ASIC2: variants seen among roughly 807,000 people sequenced by gnomAD.
ASIC2 encodes acid sensing ion channel subunit 2, also known as acid-sensing ion channel 2.
In ASIC2, 25 loss-of-function variants were observed where a neutral mutation model predicts 57.3. That is an observed-to-expected ratio of 0.44 (90% CI 0.32 to 0.61). The LOEUF (loss-of-function observed/expected upper bound fraction) is 0.61. ASIC2 is among the 20% of genes least tolerant of loss of function. The pLI, the probability that ASIC2 is intolerant of heterozygous loss-of-function variation, is 0.06. For synonymous variants in ASIC2, 319 were observed against 307.5 expected (o/e 1.04, Z -0.39); for missense variants, 641 against 738.1 (o/e 0.87, Z 1.52).
chr17:33,223,645 T>A lies in ASIC2; in HGVS notation c.708+67763A>T, dbSNP rs1279704932. On this transcript the variant is annotated intron_variant, in intron 1 of 9. Coordinates refer to ENST00000225823, the MANE Select transcript of ASIC2 (RefSeq NM_183377.2). ...AGGGAATCTGACTGGCGCATTTAAA[T>A]ATTTCCTTATATAATATTTGGTATC... Among the ~76,000 whole-genome samples, 3 of 152,262 alleles carry A rather than the reference T, an allele frequency of 2.0e-5. No individual in the cohort carries two copies. In the East Asian group the frequency reaches 5.8e-4, roughly 29 times the overall value.
At chr17:33,658,086 G>A (rs1009660650) in intron 1 of ASIC2, among the ~76,000 whole-genome samples, 5 of 152,178 alleles carry the variant, frequency 3.3e-5, no homozygotes, top group Non-Finnish European at 7.3e-5. Flanking sequence ...GGCCTCACCT[G>A]AGCCTGCTAT....
At chr17:33,468,557 A>G (rs1043703983) in intron 1 of ASIC2, among the ~76,000 whole-genome samples, 1 of 152,210 alleles carries the variant, frequency 6.6e-6, no homozygotes, top group African/African-American at 2.4e-5. Flanking sequence ...TAGTAATTTC[A>G]TGATACTTTT....
chr17:33,464,683 CTCTCTATA>C lies in ASIC2; in HGVS notation c.556-352624_556-352617del, dbSNP rs1255928807. ...TCTCTCTCTCTCCCTCTCTCTCTCT[CTCTCTATA>C]TATATATATATATGTATATATATGT... On this transcript the variant is annotated intron_variant, in intron 1 of 9. Transcript: ENST00000359872. Among the ~76,000 whole-genome samples, 139 of 104,058 alleles carry C rather than the reference CTCTCTATA, an allele frequency of 1.3e-3. 1 individual carries two copies. Among genetic ancestry groups the C allele is most frequent in the Non-Finnish European group, 6.4e-4 (32 of 49,998 alleles). The allele number at this position is 104,058 out of a possible 152,430, so 68.3% of individuals were successfully genotyped here.
chr17:33,731,682 C>A (rs1394337466), intron 1 of ASIC2, among the ~76,000 whole-genome samples: 2 of 152,218 alleles, frequency 1.3e-5, no homozygotes, highest in East Asian at 1.9e-4. Context: ...AACTGAAGGT[C>A]TTCAGATATT....
chr17:33,922,701 C>G (rs966842619), intron 1 of ASIC2, among the ~76,000 whole-genome samples: 2 of 152,166 alleles, frequency 1.3e-5, no homozygotes, highest in Admixed American at 1.3e-4. Flanking sequence ...AACCCCACCC[C>G]ATTTTCCACT....
intron 1 of ASIC2, among the ~76,000 whole-genome samples, chr17:33,372,871 C>T (rs557436487): frequency 3.7e-4 from 57 of 152,294 alleles, no homozygotes; most frequent in African/African-American, 1.3e-3. Context: ...GAAGGACAGG[C>T]TTGGCCAGGC....
In ASIC2 at chr17:33,292,809, C is replaced by A. The variant is rs2142184678; in HGVS notation, c.-694G>T. 1 of 985,906 alleles carries A rather than the reference C, an allele frequency of 1.0e-6. No homozygotes were observed. Among genetic ancestry groups the A allele is most frequent in the Non-Finnish European group, 1.2e-6 (1 of 830,330 alleles). The allele number at this position is 985,906 out of a possible 1,614,324, so 61.1% of individuals were successfully genotyped here. A position where few individuals can be genotyped will look rare whatever the true frequency, so the allele number is the denominator to read the frequency against. On this transcript the variant is annotated 5_prime_UTR_variant, in exon 1 of 10. Transcript: ENST00000225823. ...TTCCTTGTTACTGCTCCCTGGGCTG[C>A]GCTCGGCAGAGACCTGCTTAGGCTT... is the stretch of plus-strand genomic sequence containing the variant.
chr17:34,084,409 T>C (rs1401358027), intron 1 of ASIC2, among the ~76,000 whole-genome samples: 1 of 152,268 alleles, frequency 6.6e-6, no homozygotes, highest in Non-Finnish European at 1.5e-5. Flanking sequence ...TCTATATCTC[T>C]GTTTTGGTAC....
chr17:33,459,670 G>A (rs1173083696), intron 1 of ASIC2, among the ~76,000 whole-genome samples: 1 of 152,208 alleles, frequency 6.6e-6, no homozygotes, highest in Non-Finnish European at 1.5e-5. Context: ...TTCTGTCGGG[G>A]TGGGAACACC....
At chr17:34,057,561 G>C (rs1400793178) in intron 1 of ASIC2, among the ~76,000 whole-genome samples, 1 of 152,108 alleles carries the variant, frequency 6.6e-6, no homozygotes, top group Non-Finnish European at 1.5e-5. Context: ...ATTTTAGAAA[G>C]ATTTTGTAGT....
chr17:33,225,541 T>C (rs1053771809), intron 1 of ASIC2, among the ~76,000 whole-genome samples: 2 of 152,216 alleles, frequency 1.3e-5, no homozygotes, highest in East Asian at 1.9e-4. Context: ...CTCTGATACC[T>C]AGGTTTTGCC....
chr17:33,255,329 C>T lies in ASIC2; in HGVS notation c.708+36079G>A, dbSNP rs1909027440. 2.6e-5 allele frequency among the ~76,000 whole-genome samples: 4 copies of T among 152,072 alleles called. No homozygotes were observed. The South Asian group carries it at 6.2e-4, about 24-fold the overall frequency. On this transcript the variant is annotated intron_variant, in intron 1 of 9. Coordinates refer to ENST00000225823, the MANE Select transcript of ASIC2 (RefSeq NM_183377.2). ...TGCTGGGATTATAGGTGTGAGCCAC[C>T]ATGCCTGGCCAGAAAGAAAGAGTTG... is the stretch of plus-strand genomic sequence containing the variant.
chr17:33,938,026 G>T (rs1184077378), intron 1 of ASIC2, among the ~76,000 whole-genome samples: 1 of 152,248 alleles, frequency 6.6e-6, no homozygotes, highest in Non-Finnish European at 1.5e-5. Flanking sequence ...GAATCAGTGA[G>T]AGCCTTTAAG....
At chr17:33,176,724 G>T (rs1052289756) in intron 1 of ASIC2, among the ~76,000 whole-genome samples, 3 of 152,208 alleles carry the variant, frequency 2.0e-5, no homozygotes, top group Non-Finnish European at 4.4e-5. Flanking sequence ...TGCAGAGGAA[G>T]AATTATCCCT....
At chr17:34,103,656 C>T (rs1013988173) in intron 1 of ASIC2, among the ~76,000 whole-genome samples, 3 of 151,904 alleles carry the variant, frequency 2.0e-5, no homozygotes, top group African/African-American at 4.8e-5. Flanking sequence ...AGAGATTGGG[C>T]TCACTTTTTT....
At chr17:33,482,000 G>C (rs1913424003) in intron 1 of ASIC2, among the ~76,000 whole-genome samples, 1 of 152,186 alleles carries the variant, frequency 6.6e-6, no homozygotes, top group Non-Finnish European at 1.5e-5. Context: ...CCTTTCTTTA[G>C]AAAACACTCT....
rs73982755 is a variant in ASIC2, at chr17:33,343,510, C to T, written c.556-231443G>A. Among the ~76,000 whole-genome samples the T allele has an allele frequency of 2.8e-3, 422 of 152,264 alleles. 5 individuals are homozygous for T. Among genetic ancestry groups the T allele is most frequent in the African/African-American group, 9.6e-3 (397 of 41,548 alleles). The stretch of plus-strand genomic sequence containing the variant: ...GTTTTCGCATGTGTCCAAATCTTAC[C>T]TCTCTAGCCAGACTAAAAGCTCCCC... On this transcript the variant is annotated intron_variant, in intron 1 of 9. Coordinates refer to the ASIC2 transcript ENST00000359872.
At chr17:33,450,092 G>A (rs1365456555) in intron 1 of ASIC2, among the ~76,000 whole-genome samples, 2 of 152,114 alleles carry the variant, frequency 1.3e-5, no homozygotes, top group African/African-American at 4.8e-5. Flanking sequence ...TTTTATTGCA[G>A]CATTACTGAA....
intron 1 of ASIC2, chr17:33,692,477 C>T (rs138721737): frequency 1.3e-4 from 20 of 152,180 alleles, no homozygotes. Context: ...GTACTCTGGA[C>T]AATAAACAGT....
Sources: allele counts gnomAD v4.1 joint callset (sites outside exome capture counted in the v4.1 genomes callset), GRCh38; gene constraint gnomAD v4.1.1; transcripts MANE v1.5; gene names NCBI Gene and HGNC (gene_info 2026-07-23, HGNC 2026-07-21).